Variants in MAST4 observed in about 807,000 individuals in gnomAD.
The protein encoded by MAST4 is microtubule-associated serine/threonine-protein kinase 4.
In MAST4, 89 loss-of-function variants were observed where a neutral mutation model predicts 162.7. The observed-to-expected ratio is 0.55, with a 90% CI of 0.46 to 0.65. The LOEUF is 0.65. Ranked by LOEUF, MAST4 falls within the 30% of genes least tolerant of loss-of-function variation. The pLI, the probability that MAST4 is intolerant of heterozygous loss-of-function variation, is 0.00. For missense variants in MAST4, 3,153 were observed against 3,374.0 expected (o/e 0.93, Z 1.62); for synonymous variants, 1,479 against 1,361.1 (o/e 1.09, Z -1.91).
At chr5:67,130,501 C>A in intron 15 of MAST4, 83 bp downstream of exon 15, 1 of 1,387,232 alleles carries the variant, frequency 7.2e-7, no homozygotes, top group Non-Finnish European at 1.0e-6. Context: ...ATTTGTGCCA[C>A]ATAATGGCTG....
At chr5:67,003,475 C>A (rs369305824) in intron 4 of MAST4, among the ~76,000 whole-genome samples, 1 of 152,332 alleles carries the variant, frequency 6.6e-6, no homozygotes, top group African/African-American at 2.4e-5. Flanking sequence ...CTTACACCCC[C>A]TCTTCCTTCT....
At chr5:66,643,966 T>G (rs1403632693) in intron 1 of MAST4, among the ~76,000 whole-genome samples, 1 of 151,832 alleles carries the variant, frequency 6.6e-6, no homozygotes, top group African/African-American at 2.4e-5. Flanking sequence ...GTTATATTAG[T>G]CATTATTGGC....
At chr5:66,733,101 C>T (rs1214895356) in intron 1 of MAST4, among the ~76,000 whole-genome samples, 1 of 152,148 alleles carries the variant, frequency 6.6e-6, no homozygotes, top group African/African-American at 2.4e-5. Context: ...TTCTCCAGAG[C>T]TACCAGGCAA....
intron 5 of MAST4, among the ~76,000 whole-genome samples, chr5:67,080,684 TC>T (rs1227387527): frequency 1.3e-5 from 2 of 151,928 alleles, no homozygotes; most frequent in Non-Finnish European, 2.9e-5. Context: ...CTTCTGATAA[TC>T]AGTTGTTGAA....
chr5:66,780,442 A>G (rs57819946), intron 2 of MAST4, among the ~76,000 whole-genome samples: 44,897 of 152,022 alleles, frequency 0.3, 7,092 homozygotes, highest in Non-Finnish European at 0.36. Flanking sequence ...TCCTTCAGAT[A>G]TGTCCAGAGT....
intron 1 of MAST4, among the ~76,000 whole-genome samples, chr5:66,602,606 C>A (rs577519533): frequency 8.6e-5 from 13 of 151,992 alleles, no homozygotes; most frequent in Non-Finnish European, 1.5e-5. Flanking sequence ...ACGTGTCCCA[C>A]AGTGAGAAGG....
At chr5:66,957,078 A>G (rs1023283552) in intron 4 of MAST4, among the ~76,000 whole-genome samples, 5 of 152,176 alleles carry the variant, frequency 3.3e-5, no homozygotes, top group Admixed American at 6.5e-5. Flanking sequence ...ATTGTAGTCC[A>G]TTGGCTATAT....
In MAST4 at chr5:66,694,778, C is replaced by T. The variant is rs1249133713; in HGVS notation, c.364-64931C>T. ...GTGGTATTACAGGTGTGAGCCACCA[C>T]GCCCAGCCAATCTTGAGCTTTTTCT... On this transcript the variant is annotated intron_variant, in intron 1 of 28. Transcript: ENST00000403625. Among the ~76,000 whole-genome samples the T allele has an allele frequency of 2.0e-5, 3 of 152,188 alleles. No homozygotes were observed. The South Asian group carries it at 6.2e-4, about 31-fold the overall frequency.
intron 2 of MAST4, among the ~76,000 whole-genome samples, chr5:66,773,555 TAAA>T (rs1351263232): frequency 6.6e-6 from 1 of 152,232 alleles, no homozygotes; most frequent in Non-Finnish European, 1.5e-5. Context: ...GTGTCCTCTC[TAAA>T]ATTCGGGTGT....
In MAST4 at chr5:67,102,573, A is replaced by G; in HGVS notation, c.1108A>G (p.Ile370Val). The G allele has an allele frequency of 6.2e-7, 1 of 1,613,986 alleles. No homozygotes were observed. The highest frequency in any genetic ancestry group is 8.5e-7 in the Non-Finnish European group (1 of 1,179,860). ...TCCCGCCTGCTGTGACCATGAAATAATTATGATGAACCATGTCTACAAAGA... is the reference window on the plus strand; with the variant it reads ...TCCCGCCTGCTGTGACCATGAAATAGTTATGATGAACCATGTCTACAAAGA... ...RSPACCDHEIIMMNHVYKERF... is the reference protein window; with the variant it reads ...RSPACCDHEIVMMNHVYKERF... Residue 370 changes from isoleucine (I) to valine (V), a missense_variant, in exon 9 of 29, where the codon ATT becomes GTT. Transcript: ENST00000403625.
chr5:67,107,152 C>T (rs1765686335), intron 10 of MAST4, among the ~76,000 whole-genome samples: 1 of 152,156 alleles, frequency 6.6e-6, no homozygotes, highest in South Asian at 2.1e-4. Context: ...AGGATATTAC[C>T]ATAGTTACCA....
At chr5:66,974,423 G>A (rs903707212) in intron 4 of MAST4, among the ~76,000 whole-genome samples, 6 of 152,216 alleles carry the variant, frequency 3.9e-5, no homozygotes, top group African/African-American at 7.2e-5. Flanking sequence ...ATGACACTGA[G>A]ATGAATCAGA....
intron 4 of MAST4, among the ~76,000 whole-genome samples, chr5:66,954,535 T>A (rs1303393377): frequency 6.6e-6 from 1 of 151,622 alleles, no homozygotes; most frequent in Non-Finnish European, 1.5e-5. Flanking sequence ...CACACTTGCC[T>A]TCTTGGAGCC....
chr5:67,054,418 A>G lies in MAST4; in HGVS notation c.689A>G (p.Asn230Ser), dbSNP rs991226557. 2.5e-6 allele frequency: 4 copies of G among 1,607,086 alleles called. No individual in the cohort carries two copies. The highest frequency in any genetic ancestry group is 1.7e-5 in the Admixed American group (1 of 58,944). Residue 230 changes from asparagine (N) to serine (S), a missense_variant, in exon 5 of 29, where the codon AAC (asparagine) becomes AGC (serine). Asn to Ser is a conservative substitution (Grantham distance 46). Around this residue, in one of 7 missense-constraint regions of MAST4, gnomAD observed 327 missense variants for 336.5 expected, o/e 0.97. Coordinates refer to ENST00000403625, the MANE Select transcript of MAST4 (RefSeq NM_001164664.2). ...CTTTTTGATAGTTGCCGAACAAGCAACCGGAAAAGCTTAATAGGCAATGGG... is the reference window on the plus strand; with the variant it reads ...CTTTTTGATAGTTGCCGAACAAGCAGCCGGAAAAGCTTAATAGGCAATGGG... ...PRRGSFCRTS[N>S]RKSLIGNGQS...
At chr5:66,669,778 G>T (rs975614477) in intron 1 of MAST4, among the ~76,000 whole-genome samples, 1 of 152,218 alleles carries the variant, frequency 6.6e-6, no homozygotes, top group African/African-American at 2.4e-5. Context: ...GAGAAGTACA[G>T]TGAGGGTGGG....
intron 4 of MAST4, among the ~76,000 whole-genome samples, chr5:66,923,354 T>C (rs1179636026): frequency 6.6e-6 from 1 of 152,172 alleles, no homozygotes; most frequent in Non-Finnish European, 1.5e-5. Context: ...TACGTTAATA[T>C]TGGGGAATCT....
intron 4 of MAST4, among the ~76,000 whole-genome samples, chr5:66,965,207 G>GTTT (rs778107881): frequency 1.3e-4 from 11 of 82,864 alleles, no homozygotes; most frequent in African/African-American, 4.4e-4. Flanking sequence ...CATAAGAGTA[G>GTTT]TTTTTTTTTT....
In MAST4 at chr5:66,596,880, C is replaced by T; in HGVS notation, c.225C>T (p.Ala75=). The T allele has an allele frequency of 7.7e-7, 1 of 1,295,160 alleles. No homozygotes were observed. The highest frequency in any genetic ancestry group is 9.8e-7 in the Non-Finnish European group (1 of 1,024,700). The allele number at this position is 1,295,160 out of a possible 1,614,324, so 80.2% of individuals were successfully genotyped here. A position where few individuals can be genotyped will look rare whatever the true frequency, so the allele number is the denominator to read the frequency against. Residue 75 remains alanine (A), a synonymous_variant, in exon 1 of 29, where the codon GCC becomes GCT. Transcript: ENST00000403625. ...CGCCGTTGGGAGGCACCCTGGGCGC[C>T]CGGGCGCCCGCCGCGTGGGCTCCGG... The part of the protein sequence containing the change: ...PPPPLGGTLG[A]RAPAAWAPAS...
At chr5:66,696,797 T>C (rs1251605198) in intron 1 of MAST4, among the ~76,000 whole-genome samples, 1 of 152,118 alleles carries the variant, frequency 6.6e-6, no homozygotes, top group Non-Finnish European at 1.5e-5. Flanking sequence ...AAAGCAATGG[T>C]GAGTAAAATT....
Sources: allele counts gnomAD v4.1 joint callset (sites outside exome capture counted in the v4.1 genomes callset), GRCh38; gene constraint gnomAD v4.1.1; regional missense constraint gnomAD v4.1.1; transcripts MANE v1.5; gene names NCBI Gene and HGNC (gene_info 2026-07-23, HGNC 2026-07-21).